Variants in ACSM3 observed in about 807,000 individuals in gnomAD.
ACSM3 encodes the protein acyl-coenzyme A synthetase ACSM3, mitochondrial.
A neutral mutation model predicts 74.1 loss-of-function variants in ACSM3; 61 were observed. The ratio of observed to expected loss-of-function variants is 0.82; its 90% CI spans 0.67 to 1.02. The LOEUF (loss-of-function observed/expected upper bound fraction) is 1.02, where lower values mean the gene tolerates loss of function less well. Among genes scored for constraint, ACSM3 ranks in the 50% least tolerant of loss-of-function variants. ACSM3 has a pLI of 0.00. For synonymous variants in ACSM3, 213 were observed against 241.5 expected, an observed-to-expected ratio of 0.88 and a Z score of 1.09; for missense variants, 660 against 697.0, an observed-to-expected ratio of 0.95 and a Z score of 0.60.
chr16:20,696,562 G>GAT (rs1167898627), intron 1 of ACSM3, among the ~76,000 whole-genome samples: 3 of 152,224 alleles, frequency 2.0e-5, no homozygotes, highest in African/African-American at 7.2e-5. Context: ...TACAGTTTTA[G>GAT]ATACTATTGG....
intron 2 of ACSM3, among the ~76,000 whole-genome samples, chr16:20,751,580 C>G (rs1360938524): frequency 5.3e-5 from 8 of 152,154 alleles, no homozygotes; most frequent in Non-Finnish European, 1.2e-4. Flanking sequence ...TAAAACACTG[C>G]TCATCATCCC....
In ACSM3 at chr16:20,726,005, T is replaced by C. The variant is rs189853592; in HGVS notation, c.-189-23905T>C. Among the ~76,000 whole-genome samples the C allele has an allele frequency of 1.7e-4, 26 of 151,614 alleles. 1 individual carries two copies. The East Asian group carries it at 4.1e-3, about 24-fold the overall frequency. On this transcript the variant is annotated intron_variant, in intron 1 of 3. Transcript: ENST00000561584. ...AAAAAAGTCCCTAGACACTGCCTAA[T>C]GTCTCCTGGGGGGCAAAATTGTCCC...
At chr16:20,746,222 G>A (rs2079956969) in intron 1 of ACSM3, among the ~76,000 whole-genome samples, 1 of 152,176 alleles carries the variant, frequency 6.6e-6, no homozygotes, top group African/African-American at 2.4e-5. Flanking sequence ...CTCAGCCACT[G>A]TTCAGTCAAC....
rs1348649550 is a variant in ACSM3, at chr16:20,790,603, G to A, written c.1241G>A (p.Gly414Asp). Residue 414 changes from glycine (G) to aspartate (D), a missense_variant, in exon 10 of 14, where the codon GGC becomes GAC. Gly to Asp is a moderately conservative substitution (Grantham distance 94). Transcript: ENST00000289416. This position sits in a 1 kb window ranked among gnomAD's most constrained non-coding sequence, Gnocchi z 4.0. Reference protein sequence around the residue: ...AFDVKIVDVNGNVLPPGQEGD... With the variant: ...AFDVKIVDVNDNVLPPGQEGD... ...TTATCCTAGATTGTAGATGTAAATG[G>A]CAATGTTCTACCTCCTGGACAAGAA... is the stretch of plus-strand genomic sequence containing the variant. 2 of 1,613,860 alleles carry A rather than the reference G, an allele frequency of 1.2e-6. No individual in the cohort carries two copies. The highest frequency in any genetic ancestry group is 2.2e-5 in the East Asian group (1 of 44,854).
In ACSM3 at chr16:20,784,975, T is replaced by C. The variant is rs2080438935; in HGVS notation, c.1020-9T>C. Reference sequence around the variant, plus strand: ...CTCCTAAATCTAACTTATCTGGTTTTCTGAGAAGCTATAAGTTTAAAAGCT... The same window carrying C: ...CTCCTAAATCTAACTTATCTGGTTTCCTGAGAAGCTATAAGTTTAAAAGCT... On this transcript the variant is annotated splice_polypyrimidine_tract_variant and intron_variant, in intron 7 of 13. Coordinates refer to ENST00000289416, the MANE Select transcript of ACSM3 (RefSeq NM_005622.4). 6.2e-7 allele frequency: 1 copy of C among 1,606,882 alleles called. No individual in the cohort carries two copies. Among genetic ancestry groups the C allele is most frequent in the Non-Finnish European group, 8.5e-7 (1 of 1,177,450 alleles).
chr16:20,741,348 G>A (rs2079918714), intron 1 of ACSM3, among the ~76,000 whole-genome samples: 1 of 152,230 alleles, frequency 6.6e-6, no homozygotes, highest in Non-Finnish European at 1.5e-5. Context: ...GTCTGCGAGC[G>A]TCTCAGGACT....
At position 20,792,273 on chromosome 16, in the gene ACSM3, A is replaced by C; in HGVS notation, c.1492A>C (p.Asn498His). The C allele has an allele frequency of 3.7e-6, 6 of 1,614,114 alleles. No homozygotes were observed. Among genetic ancestry groups the C allele is most frequent in the Non-Finnish European group, 4.2e-6 (5 of 1,179,976 alleles). Residue 498 changes from asparagine to histidine, a missense_variant, in exon 12 of 14, where the codon AAT (asparagine) becomes CAT (histidine). Asn to His is a moderately conservative substitution (Grantham distance 68). Transcript: ENST00000289416. ...ACCATTTGAGGTAGAAAATGCCCTGAATGAACACCCTTCAGTTGCAGAGTC... is the reference window on the plus strand; with the variant it reads ...ACCATTTGAGGTAGAAAATGCCCTGCATGAACACCCTTCAGTTGCAGAGTC... Reference protein sequence around the residue: ...IGPFEVENALNEHPSVAESAV... With the variant: ...IGPFEVENALHEHPSVAESAV...
chr16:20,717,956 G>GGAAGAAGAAGAAGAAGAAGAA lies in ACSM3; in HGVS notation c.-189-31902_-189-31882dup, dbSNP rs746227909. Among the ~76,000 whole-genome samples, 53 of 74,454 alleles carry GGAAGAAGAAGAAGAAGAAGAA rather than the reference G, an allele frequency of 7.1e-4. 1 individual carries two copies. Among genetic ancestry groups the GGAAGAAGAAGAAGAAGAAGAA allele is most frequent in the East Asian group, 1.2e-3 (3 of 2,452 alleles). The allele number at this position is 74,454 out of a possible 152,430, so 48.8% of individuals were successfully genotyped here. On this transcript the variant is annotated intron_variant, in intron 1 of 3. Coordinates refer to the ACSM3 transcript ENST00000561584. ...GAGAAGGAGAAGAGGAAGAGGAAGA[G>GGAAGAAGAAGAAGAAGAAGAA]GAAGAAGAAGAAGAAGAAGAAGAAG...
intron 1 of ACSM3, among the ~76,000 whole-genome samples, chr16:20,722,583 A>G (rs2079789666): frequency 6.6e-6 from 1 of 152,236 alleles, no homozygotes; most frequent in Admixed American, 6.5e-5. Context: ...CAACTTACTC[A>G]AAAAACTGAT....
In ACSM3 at chr16:20,781,760, G is replaced by A. The variant is rs267604443; in HGVS notation, c.992G>A (p.Arg331Gln). The change falls in exon 7 of 14, where the codon CGA (arginine) becomes CAA (glutamine). Residue 331 changes from arginine to glutamine, a missense_variant. Physicochemically the swap from Arg to Gln is conservative, Grantham distance 43. Transcript: ENST00000289416. Reference protein sequence around the residue: ...TVFCSAPTVYRMLVQNDITSY... With the variant: ...TVFCSAPTVYQMLVQNDITSY... ...TTCTGTTCAGCACCAACTGTATACC[G>A]AATGCTTGTACAGAATGATATAACC... 17 of 1,612,444 alleles carry A rather than the reference G, an allele frequency of 1.1e-5. No individual in the cohort carries two copies. The East Asian group carries it at 1.3e-4, about 13-fold the overall frequency.
At chr16:20,768,929 T>C (rs2080158736) in intron 1 of ACSM3, among the ~76,000 whole-genome samples, 1 of 152,206 alleles carries the variant, frequency 6.6e-6, no homozygotes, top group Admixed American at 6.5e-5. Flanking sequence ...TACCCAGGTT[T>C]CCTGATGCAT....
upstream of ACSM3, among the ~76,000 whole-genome samples, chr16:20,761,988 G>A (rs1209348119): frequency 1.3e-5 from 2 of 152,160 alleles, no homozygotes; most frequent in Non-Finnish European, 2.9e-5. Flanking sequence ...AAAAATCAAA[G>A]GAGATACAAA....
chr16:20,749,583 GAGAAACTGAGCC>G (rs1356609074), intron 1 of ACSM3: 2 of 152,298 alleles, frequency 1.3e-5, no homozygotes, highest in Non-Finnish European at 2.9e-5. Context: ...CTGGCTGAGT[GAGAAACTGAGCC>G]AGAAAGAGAA....
At chr16:20,794,787 T>C (rs1367488537) in intron 12 of ACSM3, among the ~76,000 whole-genome samples, 1 of 152,182 alleles carries the variant, frequency 6.6e-6, no homozygotes, top group Non-Finnish European at 1.5e-5. Flanking sequence ...CACAAAGAGA[T>C]TACCTAACTT....
chr16:20,781,600 A>G, intron 6 of ACSM3, 108 bp from the exon 7 acceptor site: 1 of 866,466 alleles, frequency 1.2e-6, no homozygotes, highest in Non-Finnish European at 1.9e-6. Flanking sequence ...GTAAGAATGT[A>G]TTTACATTAA....
At chr16:20,691,401 G>A (rs1005719724) in intron 1 of ACSM3, 2 of 501,348 alleles carry the variant, frequency 4.0e-6, no homozygotes, top group Non-Finnish European at 6.9e-6. Context: ...CTTCCCAGCT[G>A]AGGAACCACA....
intron 1 of ACSM3, among the ~76,000 whole-genome samples, chr16:20,685,834 AACAAAAAAAAAAC>A (rs1374806255): frequency 0.054 from 5,363 of 99,650 alleles, 649 homozygotes; most frequent in Middle Eastern, 0.096. Context: ...AAAAAAAACA[AACAAAAAAAAAAC>A]AAAAAACTTA....
chr16:20,741,309 A>G (rs924926277), intron 1 of ACSM3, among the ~76,000 whole-genome samples: 2 of 152,220 alleles, frequency 1.3e-5, no homozygotes, highest in Admixed American at 1.3e-4. Flanking sequence ...AGGTGCAAGC[A>G]CTTCAAGCAC....
At chr16:20,779,068 A>G (rs373772750) in intron 4 of ACSM3, among the ~76,000 whole-genome samples, 2 of 152,106 alleles carry the variant, frequency 1.3e-5, no homozygotes, top group Admixed American at 1.3e-4. Flanking sequence ...AGTATTTTTA[A>G]TTAATTAAGA....
Sources: gnomAD v4.1 joint callset for allele counts (sites outside exome capture counted in the v4.1 genomes callset) on GRCh38, gnomAD v4.1.1 for gene constraint, Gnocchi (gnomAD v3.1) non-coding constraint, MANE v1.5 for transcripts, NCBI Gene and HGNC (gene_info 2026-07-23, HGNC 2026-07-21) for gene names.